Variants in OPA3 observed in about 807,000 individuals in gnomAD.
OPA3 encodes outer mitochondrial membrane lipid metabolism regulator OPA3.
Under a neutral mutation model 4.0 loss-of-function variants are expected in OPA3, and 6 were observed. That is an observed-to-expected ratio of 1.51 (90% CI 0.83 to 2.99). The LOEUF is 2.99. Ranked by LOEUF, OPA3 falls within the 30% of genes most tolerant of loss-of-function variation. The pLI, the probability that OPA3 is intolerant of heterozygous loss-of-function variation, is 0.00. For missense variants in OPA3, 235 were observed against 256.2 expected (o/e 0.92, Z 0.56); for synonymous variants, 105 against 117.1 (o/e 0.90, Z 0.67).
Position 45,550,930 on chromosome 19 carries a change from G to A in OPA3, c.*2584C>T, listed in dbSNP as rs950152354. The A allele has an allele frequency of 1.0e-6, 1 of 985,724 alleles. No homozygotes were observed. Among genetic ancestry groups the A allele is most frequent in the Non-Finnish European group, 1.2e-6 (1 of 830,002 alleles). 61.1% of individuals were successfully genotyped at this position (985,724 alleles called of 1,614,324 possible). ...GACTGTTCCTCTCAGCTAGCAGGAA[G>A]GCCAAATGGCCCGCGGGGTTGGCAG... On this transcript the variant is annotated 3_prime_UTR_variant, in exon 2 of 2. Transcript: ENST00000263275.
downstream of OPA3, among the ~76,000 whole-genome samples, chr19:45,544,490 T>C (rs551488497): frequency 6.7e-6 from 1 of 150,278 alleles, no homozygotes; most frequent in Admixed American, 6.6e-5. Flanking sequence ...TGAAACCCCG[T>C]CTCTACTAAA....
At position 45,553,901 on chromosome 19, in the gene OPA3, C is replaced by G; in HGVS notation, c.153G>C (p.Trp51Cys). The G allele has an allele frequency of 1.2e-6, 2 of 1,607,844 alleles. No individual in the cohort carries two copies. Among genetic ancestry groups the G allele is most frequent in the Non-Finnish European group, 1.7e-6 (2 of 1,175,392 alleles). ...TGCGCATCTTGGTCCGCATCTCCAC[C>G]CAGTGATACACTGCGGGGGAAGAGA... The part of the protein sequence containing the change: ...ICLPPAQLYH[W>C]VEMRTKMRIM... Residue 51 changes from tryptophan to cysteine, a missense_variant, in exon 2 of 2, where the codon TGG becomes TGC. Transcript: ENST00000263275.
In OPA3 at chr19:45,553,574, G is replaced by T; in HGVS notation, c.480C>A (p.Arg160=). The T allele has an allele frequency of 6.2e-7, 1 of 1,612,980 alleles. No homozygotes were observed. Residue 160 remains arginine, a synonymous_variant, in exon 2 of 2, where the codon CGC becomes CGA. Transcript: ENST00000263275. ...EELRTELQEV[R]AQLCNPGRSA... Reference sequence around the variant, plus strand: ...ACCGGCCGGGATTGCAGAGCTGGGCGCGCACCTCTTGCAGCTCTGTGCGCA... The same window carrying T: ...ACCGGCCGGGATTGCAGAGCTGGGCTCGCACCTCTTGCAGCTCTGTGCGCA...
intron 1 of OPA3, among the ~76,000 whole-genome samples, chr19:45,537,907 T>A (rs547244257): frequency 1.7e-4 from 26 of 152,206 alleles, no homozygotes; most frequent in African/African-American, 6.3e-4. Context: ...TTTCTGTATG[T>A]CTGCAATATT....
Position 45,551,686 on chromosome 19 carries a change from A to C in OPA3, c.*1828T>G. ...GGTGATCTGTTATGGCAGTCCAAGG[A>C]AATTAATCAAGCAGTTAAGGCCAAC... On this transcript the variant is annotated 3_prime_UTR_variant, in exon 2 of 2. Transcript: ENST00000263275. 1 of 984,190 alleles carries C rather than the reference A, an allele frequency of 1.0e-6. No individual in the cohort carries two copies. Among genetic ancestry groups the C allele is most frequent in the Non-Finnish European group, 1.2e-6 (1 of 828,812 alleles). The allele number at this position is 984,190 out of a possible 1,614,324, so 61.0% of individuals were successfully genotyped here.
chr19:45,571,554 A>C (rs1969667114), intron 1 of OPA3, among the ~76,000 whole-genome samples: 1 of 152,150 alleles, frequency 6.6e-6, no homozygotes, highest in Admixed American at 6.6e-5. Context: ...AAATGTTTGG[A>C]GGTCACCAGC....
At chr19:45,553,935 G>T in intron 1 of OPA3, 24 bp from the exon 2 acceptor site, 1 of 1,583,432 alleles carries the variant, frequency 6.3e-7, no homozygotes, top group Non-Finnish European at 8.6e-7. Flanking sequence ...GAGGGGTCAG[G>T]CTGCGCTCTG....
At position 45,549,497 on chromosome 19, in the gene OPA3, TTTGAG is replaced by T; in HGVS notation, c.*4012_*4016del. 1 of 985,262 alleles carries T rather than the reference TTTGAG, an allele frequency of 1.0e-6. No homozygotes were observed. Among genetic ancestry groups the T allele is most frequent in the Non-Finnish European group, 1.2e-6 (1 of 829,956 alleles). The allele number at this position is 985,262 out of a possible 1,614,324, so 61.0% of individuals were successfully genotyped here. On this transcript the variant is annotated 3_prime_UTR_variant, in exon 2 of 2. Transcript: ENST00000263275. The stretch of plus-strand genomic sequence containing the variant: ...CACACTCCCACCTCTGTTTTTTTTT[TTTGAG>T]TTGAGTCTCACTCTGTCACCCAGGC...
exon 2 of OPA3, chr19:45,528,748 G>A: frequency 2.8e-6 from 1 of 353,084 alleles, no homozygotes; most frequent in Non-Finnish European, 5.1e-6. Context: ...AGGGAGGTGG[G>A]GTCTGATAAA....
At chr19:45,529,164 C>A (rs1304192375) in exon 2 of OPA3, 1 of 1,609,580 alleles carries the variant, frequency 6.2e-7, no homozygotes, top group Non-Finnish European at 8.5e-7. Context: ...GGGCGAGCTG[C>A]GTCGACGTCG....
downstream of OPA3, among the ~76,000 whole-genome samples, chr19:45,545,281 G>T (rs1316911570): frequency 6.6e-6 from 1 of 151,854 alleles, no homozygotes; most frequent in East Asian, 1.9e-4. Flanking sequence ...TGTAATCCTA[G>T]CACTTTGGGA....
chr19:45,569,739 C>T (rs913982128), intron 1 of OPA3, among the ~76,000 whole-genome samples: 5 of 152,146 alleles, frequency 3.3e-5, no homozygotes, highest in Middle Eastern at 3.4e-3. Context: ...CATACACACA[C>T]GCATAGACTT....
At chr19:45,563,341 G>A (rs1599977835) in intron 1 of OPA3, among the ~76,000 whole-genome samples, 1 of 151,668 alleles carries the variant, frequency 6.6e-6, no homozygotes. Context: ...TGTATTTTTA[G>A]TAGAGACGGG....
intron 1 of OPA3, among the ~76,000 whole-genome samples, chr19:45,575,030 C>G (rs1969746580): frequency 1.3e-5 from 2 of 152,278 alleles, no homozygotes; most frequent in East Asian, 3.9e-4. Context: ...AAGCAGCAAC[C>G]AGCAAAAGAA....
chr19:45,575,964 T>C (rs1438895100), intron 1 of OPA3, among the ~76,000 whole-genome samples: 1 of 152,236 alleles, frequency 6.6e-6, no homozygotes, highest in Non-Finnish European at 1.5e-5. Context: ...CCAGTTGTGG[T>C]GGCTCACGCC....
At chr19:45,556,335 G>C (rs1969420919) in intron 1 of OPA3, among the ~76,000 whole-genome samples, 1 of 151,488 alleles carries the variant, frequency 6.6e-6, no homozygotes, top group Non-Finnish European at 1.5e-5. Flanking sequence ...GGTAGAGATG[G>C]GGTCTTGCCA....
downstream of OPA3, among the ~76,000 whole-genome samples, chr19:45,541,899 C>G (rs1035037287): frequency 2.0e-5 from 3 of 152,106 alleles, no homozygotes; most frequent in Admixed American, 1.3e-4. Context: ...TTCAAGGATA[C>G]GAAGAGACCC....
chr19:45,579,434 T>G (rs989241090), intron 1 of OPA3, among the ~76,000 whole-genome samples: 4 of 152,036 alleles, frequency 2.6e-5, no homozygotes, highest in African/African-American at 7.2e-5. Context: ...TTGCCCAGGC[T>G]GGTCTCAAAC....
rs559474405 is a variant in OPA3, at chr19:45,550,350, A to G, written c.*3164T>C. 7 of 985,322 alleles carry G rather than the reference A, an allele frequency of 7.1e-6. No homozygotes were observed. In the South Asian group the frequency reaches 1.9e-4, roughly 26 times the overall value. 61.0% of individuals were successfully genotyped at this position (985,322 alleles called of 1,614,324 possible). A position where few individuals can be genotyped will look rare whatever the true frequency, so the allele number is the denominator to read the frequency against. ...GCTTCCCAAAAGCGGGCCCAGGTGG[A>G]ATGGTCACCCAGTTTACACAATGCT... On this transcript the variant is annotated 3_prime_UTR_variant, in exon 2 of 2. Coordinates refer to ENST00000263275, the MANE Select transcript of OPA3 (RefSeq NM_025136.4).
Sources: allele counts gnomAD v4.1 joint callset (sites outside exome capture counted in the v4.1 genomes callset), GRCh38; gene constraint gnomAD v4.1.1; transcripts MANE v1.5; gene names NCBI Gene and HGNC (gene_info 2026-07-23, HGNC 2026-07-21).